The following SYT9 variants were observed in gnomAD, a reference collection of about 807,000 sequenced individuals.
SYT9 encodes synaptotagmin-9.
In SYT9, 22 loss-of-function variants were observed where a neutral mutation model predicts 48.4. That is an observed-to-expected ratio of 0.45 (90% CI 0.32 to 0.65). The LOEUF (loss-of-function observed/expected upper bound fraction) is 0.65. SYT9 is among the 30% of genes least tolerant of loss of function. The probability of loss-of-function intolerance (pLI) is 0.03; values close to 1 mark genes in which losing one functional copy is unlikely to be tolerated. For missense variants in SYT9, 577 were observed against 622.0 expected (o/e 0.93, Z 0.77); for synonymous variants, 265 against 245.0 (o/e 1.08, Z -0.76).
At chr11:7,324,582 T>A (rs1849394249) in intron 3 of SYT9, among the ~76,000 whole-genome samples, 1 of 152,012 alleles carries the variant, frequency 6.6e-6, no homozygotes. Flanking sequence ...CAAATTTTGA[T>A]ATTTAGTGTT....
chr11:7,416,837 C>T (rs1847260847), intron 4 of SYT9, among the ~76,000 whole-genome samples: 1 of 152,160 alleles, frequency 6.6e-6, no homozygotes, highest in African/African-American at 2.4e-5. Context: ...TTGGACCTAC[C>T]ATTTACACAC....
chr11:7,448,183 TTG>T (rs1225984862), intron 6 of SYT9, among the ~76,000 whole-genome samples: 3 of 152,222 alleles, frequency 2.0e-5, no homozygotes, highest in African/African-American at 7.2e-5. Context: ...ATCCTAAATA[TTG>T]TTGAGACAGT....
At chr11:7,258,715 T>G (rs1252640579) in intron 1 of SYT9, among the ~76,000 whole-genome samples, 1 of 152,144 alleles carries the variant, frequency 6.6e-6, no homozygotes, top group Non-Finnish European at 1.5e-5. Context: ...GGAAGATTGC[T>G]GTAACATTGT....
intron 3 of SYT9, among the ~76,000 whole-genome samples, chr11:7,318,933 T>C (rs1849289190): frequency 6.6e-6 from 1 of 152,230 alleles, no homozygotes; most frequent in African/African-American, 2.4e-5. Context: ...TATGCTGTCT[T>C]GTACTGTCCT....
At chr11:7,282,231 A>G (rs767143047) in intron 1 of SYT9, among the ~76,000 whole-genome samples, 13 of 152,260 alleles carry the variant, frequency 8.5e-5, no homozygotes, top group Non-Finnish European at 1.5e-4. Context: ...TAAAATGAAA[A>G]TAAGCAACAT....
intron 6 of SYT9, among the ~76,000 whole-genome samples, chr11:7,433,842 C>A (rs1217115587): frequency 6.6e-6 from 1 of 152,148 alleles, no homozygotes; most frequent in Non-Finnish European, 1.5e-5. Flanking sequence ...TATAAATTAT[C>A]CAATCTAAGA....
intron 6 of SYT9, among the ~76,000 whole-genome samples, chr11:7,430,665 G>A (rs1340668868): frequency 6.6e-6 from 1 of 152,116 alleles, no homozygotes; most frequent in Admixed American, 6.5e-5. Context: ...ATCCATCATG[G>A]CTTGGTGCGG....
intron 6 of SYT9, among the ~76,000 whole-genome samples, chr11:7,434,684 G>C (rs79322043): frequency 6.6e-6 from 1 of 152,084 alleles, no homozygotes; most frequent in South Asian, 2.1e-4. Flanking sequence ...GGCCTGCAGG[G>C]TGACATCAAC....
intron 1 of SYT9, among the ~76,000 whole-genome samples, chr11:7,270,994 C>G (rs1318951272): frequency 2.0e-5 from 3 of 151,978 alleles, no homozygotes; most frequent in Non-Finnish European, 4.4e-5. Context: ...AAGAACTGTG[C>G]TTCTGCTTGG....
intron 2 of SYT9, among the ~76,000 whole-genome samples, chr11:7,304,316 A>C (rs1388122126): frequency 6.6e-6 from 1 of 152,242 alleles, no homozygotes; most frequent in African/African-American, 2.4e-5. Flanking sequence ...GAGGCTAAGC[A>C]GCCAGTTCTA....
chr11:7,448,595 A>G (rs1847983221), intron 6 of SYT9, among the ~76,000 whole-genome samples: 1 of 152,218 alleles, frequency 6.6e-6, no homozygotes, highest in South Asian at 2.1e-4. Flanking sequence ...TACGCTGAAA[A>G]TGGCAACTGT....
At chr11:7,285,138 T>A (rs919499881) in intron 1 of SYT9, among the ~76,000 whole-genome samples, 4 of 152,124 alleles carry the variant, frequency 2.6e-5, no homozygotes, top group African/African-American at 7.2e-5. Context: ...GAGCTAAAGA[T>A]GAGGCAGGAT....
At position 7,252,375 on chromosome 11, in the gene SYT9, G is replaced by A; in HGVS notation, c.145+44G>A. The stretch of plus-strand genomic sequence containing the variant: ...GCCTGGAGGGACCTAAGGGCCCTGG[G>A]CTGGGACTTGGGGCCGCACCGGGGC... On this transcript the variant is annotated intron_variant, in intron 1 of 6. Transcript: ENST00000318881. This position sits in a 1 kb window ranked among gnomAD's most constrained non-coding sequence, Gnocchi z 6.3. 7.2e-7 allele frequency: 1 copy of A among 1,388,616 alleles called. No individual in the cohort carries two copies. Among genetic ancestry groups the A allele is most frequent in the Non-Finnish European group, 9.3e-7 (1 of 1,070,000 alleles). The allele number at this position is 1,388,616 out of a possible 1,614,324, so 86.0% of individuals were successfully genotyped here.
chr11:7,310,412 G>A lies in SYT9; in HGVS notation c.498-2983G>A, dbSNP rs142006773. Among the ~76,000 whole-genome samples the A allele has an allele frequency of 1.5e-4, 22 of 151,170 alleles. 1 individual carries two copies. The East Asian group carries it at 4.3e-3, about 29-fold the overall frequency. On this transcript the variant is annotated intron_variant, in intron 2 of 6. Transcript: ENST00000318881. ...GCCTCCCAAAATGCTGAGATTACAG[G>A]TGTGAGCCATTGTGCCTAGCCCATA...
intron 3 of SYT9, among the ~76,000 whole-genome samples, chr11:7,380,051 C>T (rs753116901): frequency 3.3e-5 from 5 of 152,060 alleles, no homozygotes; most frequent in Non-Finnish European, 5.9e-5. Flanking sequence ...AAGTGTCTAT[C>T]GAGAGATGAA....
chr11:7,346,467 G>A (rs1364179418), intron 3 of SYT9, among the ~76,000 whole-genome samples: 2 of 152,176 alleles, frequency 1.3e-5, no homozygotes, highest in Non-Finnish European at 2.9e-5. Flanking sequence ...AGAGGCCAAT[G>A]CAAGTGCAAA....
chr11:7,452,513 A>G (rs891774271), intron 6 of SYT9, among the ~76,000 whole-genome samples: 5 of 152,174 alleles, frequency 3.3e-5, no homozygotes, highest in Non-Finnish European at 4.4e-5. Flanking sequence ...TTTTGCTTCT[A>G]TACGGTCAAA....
chr11:7,356,025 T>C (rs1850014714), intron 3 of SYT9, among the ~76,000 whole-genome samples: 1 of 152,250 alleles, frequency 6.6e-6, no homozygotes, highest in Admixed American at 6.5e-5. Context: ...TTTCCTTTGC[T>C]TTCATTTGGG....
intron 3 of SYT9, among the ~76,000 whole-genome samples, chr11:7,341,312 C>T (rs1849708481): frequency 6.6e-6 from 1 of 152,164 alleles, no homozygotes; most frequent in African/African-American, 2.4e-5. Flanking sequence ...TATGCGTTGG[C>T]TGTGTCCCCA....
Sources: allele counts gnomAD v4.1 joint callset (sites outside exome capture counted in the v4.1 genomes callset), GRCh38; gene constraint gnomAD v4.1.1; non-coding constraint Gnocchi (gnomAD v3.1); transcripts MANE v1.5; gene names NCBI Gene and HGNC (gene_info 2026-07-23, HGNC 2026-07-21).